Variants in FBXL17 observed in about 807,000 individuals in gnomAD.
FBXL17 encodes the protein F-box and leucine rich repeat protein 17.
Under a neutral mutation model 66.2 loss-of-function variants are expected in FBXL17, and 22 were observed. The observed-to-expected ratio is 0.33, with a 90% CI of 0.24 to 0.47. The LOEUF is 0.47. Ranked by LOEUF, FBXL17 falls within the 20% of genes least tolerant of loss-of-function variation. The pLI is 1.00. For synonymous variants in FBXL17, 474 were observed against 400.5 expected, an observed-to-expected ratio of 1.18 and a Z score of -2.19; for missense variants, 878 against 948.2, an observed-to-expected ratio of 0.93 and a Z score of 0.97.
At position 108,237,531 on chromosome 5, in the gene FBXL17, T is replaced by C. The variant is rs182830249; in HGVS notation, c.1507-13303A>G. Among the ~76,000 whole-genome samples the C allele has an allele frequency of 1.2e-3, 177 of 152,340 alleles. 2 individuals carry two copies. Among genetic ancestry groups the C allele is most frequent in the Admixed American group, 3.8e-3 (58 of 15,302 alleles). On this transcript the variant is annotated intron_variant, in intron 4 of 8. Transcript: ENST00000542267. The stretch of plus-strand genomic sequence containing the variant: ...CTTTATACTGAAGGAGTCTATTTTA[T>C]TAGCAATATAGAGACATATGAGCTT...
At chr5:108,076,216 C>T (rs1275796585) in intron 6 of FBXL17, among the ~76,000 whole-genome samples, 1 of 152,140 alleles carries the variant, frequency 6.6e-6, no homozygotes, top group Non-Finnish European at 1.5e-5. Context: ...AGCTTTTCAA[C>T]TCTGAGGTTT....
chr5:107,861,969 G>T (rs531897986), intron 8 of FBXL17, 109 bp from the exon 9 acceptor site: 25 of 1,195,982 alleles, frequency 2.1e-5, no homozygotes, highest in Admixed American at 9.3e-5. Context: ...AAGAGCCCTC[G>T]CCTTGTTCCT....
intron 4 of FBXL17, among the ~76,000 whole-genome samples, chr5:108,233,381 C>T (rs867375043): frequency 5.3e-5 from 8 of 152,262 alleles, no homozygotes; most frequent in Middle Eastern, 6.8e-3. Context: ...TTTTAAAGCT[C>T]CTGCCTGGAA....
chr5:108,084,664 T>C (rs1748905909), intron 6 of FBXL17, among the ~76,000 whole-genome samples: 1 of 152,190 alleles, frequency 6.6e-6, no homozygotes, highest in Admixed American at 6.5e-5. Context: ...AGTCTAATGG[T>C]AAAAAGGTTT....
intron 7 of FBXL17, among the ~76,000 whole-genome samples, chr5:108,011,434 A>C (rs1754164211): frequency 6.6e-6 from 1 of 152,202 alleles, no homozygotes; most frequent in African/African-American, 2.4e-5. Context: ...AGTAGGTAGA[A>C]CACAAAGCCA....
At chr5:108,019,699 G>C (rs902998343) in intron 7 of FBXL17, among the ~76,000 whole-genome samples, 30 of 151,742 alleles carry the variant, frequency 2.0e-4, no homozygotes, top group African/African-American at 5.3e-4. Flanking sequence ...CCGTGTGTTG[G>C]TCAGGGAGAA....
At chr5:107,861,900 C>A (rs1748134139) in intron 8 of FBXL17, 40 bp from the exon 9 acceptor site, 1 of 1,442,918 alleles carries the variant, frequency 6.9e-7, no homozygotes, top group Non-Finnish European at 9.2e-7. Context: ...ACAGAGACCA[C>A]CAACACCACG....
intron 5 of FBXL17, among the ~76,000 whole-genome samples, chr5:108,186,755 G>A (rs1355815420): frequency 6.7e-6 from 1 of 149,514 alleles, no homozygotes; most frequent in Non-Finnish European, 1.5e-5. Flanking sequence ...GCAACAGAGT[G>A]AGACTGCGTA....
chr5:107,937,998 T>G (rs987792516), intron 7 of FBXL17, among the ~76,000 whole-genome samples: 1 of 152,164 alleles, frequency 6.6e-6, no homozygotes, highest in African/African-American at 2.4e-5. Context: ...CATCTGATTA[T>G]CTGCACAATT....
chr5:107,880,595 G>C, intron 8 of FBXL17: 13 of 1,067,316 alleles, frequency 1.2e-5, no homozygotes, highest in Non-Finnish European at 1.5e-5. Flanking sequence ...AGAATACATA[G>C]ATGTTCAGTA....
chr5:108,213,012 C>T (rs1018100147), intron 5 of FBXL17, among the ~76,000 whole-genome samples: 1 of 152,104 alleles, frequency 6.6e-6, no homozygotes. Flanking sequence ...AGATGCCCTG[C>T]CCAGAGAAGA....
intron 6 of FBXL17, among the ~76,000 whole-genome samples, chr5:108,096,930 C>T (rs1463144985): frequency 6.6e-6 from 1 of 152,150 alleles, no homozygotes; most frequent in African/African-American, 2.4e-5. Flanking sequence ...CATGTAAAGG[C>T]ACATGCATGG....
At chr5:107,899,199 T>A (rs1166886218) in intron 7 of FBXL17, among the ~76,000 whole-genome samples, 1 of 152,218 alleles carries the variant, frequency 6.6e-6, no homozygotes, top group Non-Finnish European at 1.5e-5. Flanking sequence ...GTGGTTTTGA[T>A]TTGCATTTCT....
Position 108,259,044 on chromosome 5 carries a change from C to T in FBXL17, c.1507-34816G>A, listed in dbSNP as rs577803726. On this transcript the variant is annotated intron_variant, in intron 4 of 8. Transcript: ENST00000542267. ...TCCATTTAAATAACAAGTGTCTGTG[C>T]GTTAAAAGTGGCAGGTTTTTTCTCC... 6.6e-5 allele frequency among the ~76,000 whole-genome samples: 10 copies of T among 152,022 alleles called. No homozygotes were observed. In the East Asian group the frequency reaches 1.2e-3, roughly 18 times the overall value.
At chr5:107,988,132 A>G (rs957141558) in intron 7 of FBXL17, among the ~76,000 whole-genome samples, 7 of 152,024 alleles carry the variant, frequency 4.6e-5, no homozygotes, top group African/African-American at 1.7e-4. Flanking sequence ...TATAATTAAA[A>G]TAATAAAAAT....
chr5:108,080,831 G>A (rs1748733677), intron 6 of FBXL17, among the ~76,000 whole-genome samples: 1 of 152,110 alleles, frequency 6.6e-6, no homozygotes, highest in Admixed American at 6.5e-5. Context: ...GGGGACCAAG[G>A]TTCTTATTAT....
rs1238573399 is a variant in FBXL17 at position 107,896,054 on chromosome 5, G to A, written c.1823-14875C>T. Among the ~76,000 whole-genome samples the A allele has an allele frequency of 2.0e-5, 3 of 152,038 alleles. No individual in the cohort carries two copies. The East Asian group carries it at 5.8e-4, about 29-fold the overall frequency. On this transcript the variant is annotated intron_variant, in intron 7 of 8. Coordinates refer to ENST00000542267, the MANE Select transcript of FBXL17 (RefSeq NM_001163315.3). Reference sequence around the variant, plus strand: ...CCTGACATTTTTGGGGTGTGAAACTGGGACTCTTTAAAGATATTCTCACCT... The same window carrying A: ...CCTGACATTTTTGGGGTGTGAAACTAGGACTCTTTAAAGATATTCTCACCT...
chr5:108,334,489 C>T (rs1393560621), intron 4 of FBXL17, among the ~76,000 whole-genome samples: 1 of 152,142 alleles, frequency 6.6e-6, no homozygotes, highest in Non-Finnish European at 1.5e-5. Flanking sequence ...ATGGGCCATG[C>T]GATGTGCTGC....
At chr5:108,231,379 T>TTG (rs1755333715) in intron 4 of FBXL17, among the ~76,000 whole-genome samples, 1 of 152,160 alleles carries the variant, frequency 6.6e-6, no homozygotes, top group South Asian at 2.1e-4. Context: ...ATCTCTATAC[T>TTG]TTTACCTTTT....
Sources: gnomAD v4.1 joint callset for allele counts (sites outside exome capture counted in the v4.1 genomes callset) on GRCh38, gnomAD v4.1.1 for gene constraint, MANE v1.5 for transcripts, NCBI Gene and HGNC (gene_info 2026-07-23, HGNC 2026-07-21) for gene names.